Variants in CTNNA3 observed in about 807,000 individuals in gnomAD.
CTNNA3 encodes the protein catenin alpha-3.
CTNNA3 carries 76 observed loss-of-function variants against 95.7 expected under a neutral mutation model. That is an observed-to-expected ratio of 0.79 (90% CI 0.66 to 0.96). The LOEUF (loss-of-function observed/expected upper bound fraction) is 0.96, where lower values mean the gene tolerates loss of function less well. Among genes scored for constraint, CTNNA3 ranks in the 40% least tolerant of loss-of-function variants. CTNNA3 has a pLI of 0.00. For synonymous variants in CTNNA3, 431 were observed against 374.4 expected (o/e 1.15, Z -1.74); for missense variants, 1,191 against 1,089.8 (o/e 1.09, Z -1.31).
chr10:67,537,222 C>T (rs1840513005), intron 4 of CTNNA3, among the ~76,000 whole-genome samples: 1 of 152,134 alleles, frequency 6.6e-6, no homozygotes, highest in African/African-American at 2.4e-5. Context: ...CATGAATTTG[C>T]CTAAACTTTT....
At position 67,333,022 on chromosome 10, in the gene CTNNA3, T is replaced by C. The variant is rs1361730247; in HGVS notation, c.580-113152A>G. Among the ~76,000 whole-genome samples, 4 of 152,138 alleles carry C rather than the reference T, an allele frequency of 2.6e-5. No homozygotes were observed. The East Asian group carries it at 7.7e-4, about 29-fold the overall frequency. Reference sequence around the variant, plus strand: ...AAAATGTAGAAAGGAAGGAGGAGGATCCAGTTTTAGATAGTAAAGATCAGA... The same window carrying C: ...AAAATGTAGAAAGGAAGGAGGAGGACCCAGTTTTAGATAGTAAAGATCAGA... On this transcript the variant is annotated intron_variant, in intron 5 of 17. Coordinates refer to ENST00000433211, the MANE Select transcript of CTNNA3 (RefSeq NM_013266.4).
chr10:66,688,835 G>A (rs191922406), intron 9 of CTNNA3, among the ~76,000 whole-genome samples: 36 of 151,444 alleles, frequency 2.4e-4, no homozygotes, highest in Middle Eastern at 3.4e-3. Context: ...TTAGCCGGGC[G>A]TGGTGGCGGG....
chr10:66,154,583 GA>G (rs1564706633), intron 13 of CTNNA3, among the ~76,000 whole-genome samples: 1 of 150,964 alleles, frequency 6.6e-6, no homozygotes, highest in East Asian at 1.9e-4. Context: ...CCCATTTGCC[GA>G]AAACTACTCA....
intron 13 of CTNNA3, among the ~76,000 whole-genome samples, chr10:66,122,631 G>T (rs919949670): frequency 6.6e-6 from 1 of 152,162 alleles, no homozygotes; most frequent in Non-Finnish European, 1.5e-5. Context: ...GAAACCATGT[G>T]TAAACCATTT....
At chr10:66,074,702 TTC>T (rs2080514986) in intron 14 of CTNNA3, among the ~76,000 whole-genome samples, 1 of 151,922 alleles carries the variant, frequency 6.6e-6, no homozygotes, top group Non-Finnish European at 1.5e-5. Context: ...GTTCATATTG[TTC>T]TCTCTTGTAG....
intron 7 of CTNNA3, among the ~76,000 whole-genome samples, chr10:66,858,881 T>C (rs1843790075): frequency 6.6e-6 from 1 of 152,024 alleles, no homozygotes; most frequent in Admixed American, 6.6e-5. Context: ...CCTCAATTTC[T>C]TTCAGTTCAG....
chr10:67,161,162 A>G (rs2132088990), intron 7 of CTNNA3, among the ~76,000 whole-genome samples: 1 of 152,286 alleles, frequency 6.6e-6, no homozygotes, highest in East Asian at 1.9e-4. Context: ...AAAATTTGTT[A>G]AGATTGTAGT....
chr10:66,853,907 C>G (rs1484714261), intron 7 of CTNNA3, among the ~76,000 whole-genome samples: 2 of 151,868 alleles, frequency 1.3e-5, no homozygotes, highest in East Asian at 3.9e-4. Context: ...CTAAGTGCAT[C>G]CTGAATGCAC....
chr10:67,562,634 G>A (rs992920250), intron 3 of CTNNA3, among the ~76,000 whole-genome samples: 1 of 152,136 alleles, frequency 6.6e-6, no homozygotes, highest in East Asian at 1.9e-4. Flanking sequence ...GGAAGTTCTG[G>A]CCAGGGCAAT....
At chr10:65,928,166 A>G (rs1013128127) in intron 17 of CTNNA3, among the ~76,000 whole-genome samples, 1 of 152,180 alleles carries the variant, frequency 6.6e-6, no homozygotes, top group Non-Finnish European at 1.5e-5. Flanking sequence ...CTTACTTTGT[A>G]TTAATTTTTG....
intron 11 of CTNNA3, among the ~76,000 whole-genome samples, chr10:66,462,404 T>C (rs2093535710): frequency 6.6e-6 from 1 of 152,116 alleles, no homozygotes; most frequent in Admixed American, 6.6e-5. Context: ...CTTTTTTTAT[T>C]CTTAGTGTAT....
chr10:66,545,657 T>G (rs1358462672), intron 10 of CTNNA3, among the ~76,000 whole-genome samples: 1 of 152,038 alleles, frequency 6.6e-6, no homozygotes, highest in Non-Finnish European at 1.5e-5. Flanking sequence ...CAGCAACATA[T>G]GAGTATTTTT....
chr10:67,284,833 G>A (rs1365758914), intron 5 of CTNNA3, among the ~76,000 whole-genome samples: 1 of 152,144 alleles, frequency 6.6e-6, no homozygotes, highest in Non-Finnish European at 1.5e-5. Flanking sequence ...TATAGTGAGT[G>A]TTAAAAATAT....
intron 10 of CTNNA3, among the ~76,000 whole-genome samples, chr10:66,596,565 T>C (rs768629769): frequency 7.2e-5 from 11 of 152,124 alleles, no homozygotes; most frequent in South Asian, 2.1e-4. Context: ...ATCAAGAGAA[T>C]ATACAAAATC....
At chr10:66,360,093 C>G (rs2092642055) in intron 12 of CTNNA3, among the ~76,000 whole-genome samples, 2 of 152,030 alleles carry the variant, frequency 1.3e-5, no homozygotes, top group Non-Finnish European at 1.5e-5. Flanking sequence ...TCCCAAAGTG[C>G]TGGGATTACA....
chr10:67,001,228 G>T (rs1480164705), intron 7 of CTNNA3, among the ~76,000 whole-genome samples: 2 of 150,238 alleles, frequency 1.3e-5, no homozygotes, highest in Admixed American at 6.6e-5. Context: ...TTGAACCAGG[G>T]ACTCGGAGGT....
At chr10:66,135,050 A>G (rs2083285001) in intron 13 of CTNNA3, among the ~76,000 whole-genome samples, 1 of 152,152 alleles carries the variant, frequency 6.6e-6, no homozygotes, top group African/African-American at 2.4e-5. Context: ...TCTTAATGTA[A>G]GAAGAGATAC....
At chr10:66,460,970 C>G (rs2093525316) in intron 11 of CTNNA3, among the ~76,000 whole-genome samples, 1 of 151,836 alleles carries the variant, frequency 6.6e-6, no homozygotes, top group South Asian at 2.1e-4. Context: ...TTTTCTCAGT[C>G]TTTTAGGAAA....
intron 10 of CTNNA3, among the ~76,000 whole-genome samples, chr10:66,585,956 A>G (rs778849727): frequency 3.3e-5 from 5 of 152,076 alleles, no homozygotes; most frequent in Admixed American, 6.5e-5. Flanking sequence ...TCCTCCTTGA[A>G]GATGTGACTT....
Sources: allele counts gnomAD v4.1 joint callset (sites outside exome capture counted in the v4.1 genomes callset), GRCh38; gene constraint gnomAD v4.1.1; transcripts MANE v1.5; gene names NCBI Gene and HGNC (gene_info 2026-07-23, HGNC 2026-07-21).